LRRTM4: variants seen among roughly 807,000 people sequenced by gnomAD.
LRRTM4 encodes leucine rich repeat transmembrane neuronal 4.
LRRTM4 carries 25 observed loss-of-function variants against 47.6 expected under a neutral mutation model. The observed-to-expected ratio is 0.53, with a 90% CI of 0.38 to 0.73. LRRTM4 has a LOEUF of 0.73. LRRTM4 is among the 30% of genes least tolerant of loss of function. LRRTM4 has a pLI of 0.00. For missense variants in LRRTM4, 638 were observed against 713.4 expected (o/e 0.89, Z 1.20); for synonymous variants, 311 against 269.5 (o/e 1.15, Z -1.51).
intron 3 of LRRTM4, among the ~76,000 whole-genome samples, chr2:77,012,535 C>G (rs1243544719): frequency 1.3e-5 from 2 of 152,174 alleles, no homozygotes; most frequent in African/African-American, 4.8e-5. Flanking sequence ...CCTGCAGAGC[C>G]TGGGCAGGAT....
At chr2:77,272,268 C>G (rs1676221280) in intron 3 of LRRTM4, among the ~76,000 whole-genome samples, 2 of 152,094 alleles carry the variant, frequency 1.3e-5, no homozygotes, top group South Asian at 4.1e-4. Context: ...ATGGCTCAGG[C>G]AAATTGGCAC....
chr2:77,124,517 T>C (rs184550071), intron 3 of LRRTM4, among the ~76,000 whole-genome samples: 1 of 152,164 alleles, frequency 6.6e-6, no homozygotes, highest in African/African-American at 2.4e-5. Flanking sequence ...GAGCCAATTT[T>C]TGTGCTAAAT....
At chr2:76,801,516 G>C (rs1272725944) in intron 3 of LRRTM4, among the ~76,000 whole-genome samples, 1 of 152,058 alleles carries the variant, frequency 6.6e-6, no homozygotes. Flanking sequence ...GACTGTTGTG[G>C]TGTGGGGGGA....
intron 3 of LRRTM4, among the ~76,000 whole-genome samples, chr2:77,021,442 A>T (rs528736794): frequency 6.6e-6 from 1 of 152,146 alleles, no homozygotes; most frequent in African/African-American, 2.4e-5. Flanking sequence ...TGCTTTTTCA[A>T]ATTGACTCTG....
At chr2:77,271,499 C>G (rs140267662) in intron 3 of LRRTM4, among the ~76,000 whole-genome samples, 1 of 152,248 alleles carries the variant, frequency 6.6e-6, no homozygotes, top group East Asian at 1.9e-4. Flanking sequence ...CTCACGTGCT[C>G]CCTCCCAAAA....
At chr2:77,170,336 A>G (rs1163369860) in intron 3 of LRRTM4, among the ~76,000 whole-genome samples, 1 of 152,160 alleles carries the variant, frequency 6.6e-6, no homozygotes, top group Non-Finnish European at 1.5e-5. Flanking sequence ...AGAAGCTGGA[A>G]ATAAACTTTA....
chr2:76,790,590 G>C (rs938129263), intron 3 of LRRTM4, among the ~76,000 whole-genome samples: 16 of 152,136 alleles, frequency 1.1e-4, no homozygotes, highest in African/African-American at 3.6e-4. Flanking sequence ...AGTAGCACTT[G>C]ATAAGCATTA....
At chr2:77,504,963 T>C (rs1019827628) in intron 3 of LRRTM4, among the ~76,000 whole-genome samples, 4 of 151,458 alleles carry the variant, frequency 2.6e-5, no homozygotes, top group African/African-American at 9.7e-5. Flanking sequence ...CAAATTTTCA[T>C]GAATAGTTTA....
At chr2:76,912,016 C>T (rs1033036366) in intron 3 of LRRTM4, among the ~76,000 whole-genome samples, 5 of 151,598 alleles carry the variant, frequency 3.3e-5, no homozygotes, top group Admixed American at 1.3e-4. Flanking sequence ...GCAAGCTCCG[C>T]CTTCTGGGTT....
intron 3 of LRRTM4, among the ~76,000 whole-genome samples, chr2:76,903,942 C>T (rs1449532456): frequency 1.3e-5 from 2 of 152,136 alleles, no homozygotes; most frequent in Non-Finnish European, 2.9e-5. Flanking sequence ...AAAGAAAACA[C>T]TTCAAATGAA....
chr2:76,985,474 A>G (rs1676762689), intron 3 of LRRTM4, among the ~76,000 whole-genome samples: 1 of 152,024 alleles, frequency 6.6e-6, no homozygotes, highest in Non-Finnish European at 1.5e-5. Context: ...TCCCTTCCAG[A>G]GACCTTGAGT....
intron 3 of LRRTM4, among the ~76,000 whole-genome samples, chr2:77,139,394 T>A (rs913106299): frequency 1.3e-5 from 2 of 152,168 alleles, no homozygotes. Context: ...TCTCAATAGA[T>A]GCGGAAAAGG....
In LRRTM4 at chr2:77,457,053, T is replaced by C. The variant is rs1292138637; in HGVS notation, c.1551+61265A>G. On this transcript the variant is annotated intron_variant, in intron 3 of 3. Coordinates refer to ENST00000409884, the MANE Select transcript of LRRTM4 (RefSeq NM_001134745.3). The stretch of plus-strand genomic sequence containing the variant: ...ATATATATATATATATATATATATG[T>C]ATAACCTGGAACTCTTTGACAAGCC... Among the ~76,000 whole-genome samples, 80 of 62,160 alleles carry C rather than the reference T, an allele frequency of 1.3e-3. 1 individual carries two copies. Among genetic ancestry groups the C allele is most frequent in the African/African-American group, 3.6e-3 (76 of 21,262 alleles). The allele number at this position is 62,160 out of a possible 152,430, so 40.8% of individuals were successfully genotyped here. A position where few individuals can be genotyped will look rare whatever the true frequency, so the allele number is the denominator to read the frequency against.
intron 3 of LRRTM4, among the ~76,000 whole-genome samples, chr2:77,373,089 ATATAT>A (rs771114529): frequency 2.9e-5 from 3 of 104,154 alleles, no homozygotes; most frequent in Admixed American, 2.7e-4. Flanking sequence ...TAAAAAAAAA[ATATAT>A]ATATATATAT....
intron 3 of LRRTM4, among the ~76,000 whole-genome samples, chr2:77,437,005 T>C (rs1399150050): frequency 6.6e-6 from 1 of 151,934 alleles, no homozygotes; most frequent in Non-Finnish European, 1.5e-5. Context: ...AGAACTCTTA[T>C]GTGTCTGGTT....
chr2:77,298,931 T>C (rs1558675877), intron 3 of LRRTM4, among the ~76,000 whole-genome samples: 2 of 152,180 alleles, frequency 1.3e-5, no homozygotes, highest in Non-Finnish European at 2.9e-5. Context: ...ATATTTACTA[T>C]TGATCAAGCT....
At chr2:77,220,011 C>A (rs1424612645) in intron 3 of LRRTM4, among the ~76,000 whole-genome samples, 2 of 152,104 alleles carry the variant, frequency 1.3e-5, no homozygotes, top group African/African-American at 2.4e-5. Context: ...GACAAAACTT[C>A]CAGAGGAATG....
chr2:76,832,523 C>T (rs1671384665), intron 3 of LRRTM4, among the ~76,000 whole-genome samples: 1 of 135,212 alleles, frequency 7.4e-6, no homozygotes, highest in Admixed American at 8.4e-5. Context: ...CTCTTTAGGT[C>T]CTAGGTAAAT....
At chr2:76,925,750 A>G (rs1158620800) in intron 3 of LRRTM4, among the ~76,000 whole-genome samples, 2 of 152,066 alleles carry the variant, frequency 1.3e-5, no homozygotes, top group African/African-American at 4.8e-5. Context: ...GTTACTCCAT[A>G]GGGCTTGTGG....
Sources: allele counts gnomAD v4.1 joint callset (sites outside exome capture counted in the v4.1 genomes callset), GRCh38; gene constraint gnomAD v4.1.1; transcripts MANE v1.5; gene names NCBI Gene and HGNC (gene_info 2026-07-23, HGNC 2026-07-21).